The following CHD1 variants were observed in gnomAD, a reference collection of about 807,000 sequenced individuals.
CHD1 encodes chromodomain helicase DNA binding protein 1.
A neutral mutation model predicts 224.2 loss-of-function variants in CHD1; 36 were observed. The ratio of observed to expected loss-of-function variants is 0.16; its 90% CI spans 0.12 to 0.21. The LOEUF (loss-of-function observed/expected upper bound fraction) is 0.21. Among genes scored for constraint, CHD1 ranks in the 10% least tolerant of loss-of-function variants. CHD1 has a pLI of 1.00. For synonymous variants in CHD1, 668 were observed against 658.3 expected (o/e 1.01, Z -0.23); for missense variants, 1,378 against 1,994.8 (o/e 0.69, Z 5.89).
At chr5:98,904,247 G>A (rs1415792850) in intron 3 of CHD1, among the ~76,000 whole-genome samples, 3 of 152,144 alleles carry the variant, frequency 2.0e-5, no homozygotes, top group African/African-American at 7.2e-5. Flanking sequence ...CGTCAACGAT[G>A]TCACTAGGCA....
intron 2 of CHD1, among the ~76,000 whole-genome samples, chr5:98,907,546 C>T (rs918821144): frequency 3.4e-5 from 5 of 145,678 alleles, no homozygotes; most frequent in African/African-American, 1.3e-4. Context: ...CAAGTTCACG[C>T]CATTGCACTC....
intron 12 of CHD1, among the ~76,000 whole-genome samples, chr5:98,895,784 T>C (rs1180183089): frequency 6.7e-6 from 1 of 149,422 alleles, no homozygotes; most frequent in Non-Finnish European, 1.5e-5. Flanking sequence ...GTCAAATATA[T>C]ATACTAAGTA....
At chr5:98,926,956 C>T (rs111967531) in intron 1 of CHD1, among the ~76,000 whole-genome samples, 216 of 150,644 alleles carry the variant, frequency 1.4e-3, no homozygotes, top group African/African-American at 4.8e-3. Context: ...TTAATCAAGC[C>T]CTCACTCCTA....
intron 23 of CHD1, 82 bp from the exon 24 acceptor site, chr5:98,876,640 G>A (rs767518804): frequency 5.8e-5 from 70 of 1,206,250 alleles, no homozygotes; most frequent in Non-Finnish European, 7.3e-5. Flanking sequence ...AAAGATGGTC[G>A]GAATCTTAAA....
chr5:98,918,773 A>C (rs978308303), intron 2 of CHD1, among the ~76,000 whole-genome samples: 1 of 151,698 alleles, frequency 6.6e-6, no homozygotes, highest in Admixed American at 6.6e-5. Flanking sequence ...AAAAAACAAA[A>C]AAAAAAACTT....
rs771436562 is a variant in CHD1 at position 98,926,391 on chromosome 5, AATT to A, written c.-8_-6del. 4.1e-6 allele frequency: 6 copies of A among 1,458,892 alleles called. No homozygotes were observed. The highest frequency in any genetic ancestry group is 4.0e-5 in the South Asian group (3 of 75,602). 90.4% of individuals were successfully genotyped at this position (1,458,892 alleles called of 1,614,324 possible). Reference sequence around the variant, plus strand: ...TTCATCACTGTGTCCATTCATTGTAAATTATTATCAAGAAGTTTTAAAGTAAAA... The same window carrying A: ...TTCATCACTGTGTCCATTCATTGTAAATTATCAAGAAGTTTTAAAGTAAAA... On this transcript the variant is annotated 5_prime_UTR_variant, in exon 2 of 36. Coordinates refer to ENST00000614616, the MANE Select transcript of CHD1 (RefSeq NM_001270.4).
intron 5 of CHD1, 73 bp from the exon 6 acceptor site, chr5:98,901,408 C>G: frequency 8.5e-7 from 1 of 1,177,396 alleles, no homozygotes; most frequent in South Asian, 1.6e-5. Context: ...CAAAGATGAT[C>G]AAATCAACCA....
intron 2 of CHD1, among the ~76,000 whole-genome samples, chr5:98,909,493 C>T (rs1163307937): frequency 6.6e-6 from 1 of 152,042 alleles, no homozygotes; most frequent in African/African-American, 2.4e-5. Context: ...TTATAAAGCT[C>T]CCCATCACTT....
chr5:98,874,537 TAAAAAAA>T (rs70984332), intron 25 of CHD1, among the ~76,000 whole-genome samples: 1 of 88,278 alleles, frequency 1.1e-5, no homozygotes, highest in East Asian at 3.3e-4. Context: ...CCGTCTCTAC[TAAAAAAA>T]AAAAAAAAAA....
chr5:98,879,350 A>C (rs7716215), intron 23 of CHD1, among the ~76,000 whole-genome samples: 80 of 152,326 alleles, frequency 5.3e-4, no homozygotes, highest in African/African-American at 1.9e-3. Flanking sequence ...ACAAAAATCA[A>C]TGAAACCAGG....
At chr5:98,905,553 A>C (rs976651005) in intron 2 of CHD1, among the ~76,000 whole-genome samples, 18 of 152,160 alleles carry the variant, frequency 1.2e-4, no homozygotes, top group Non-Finnish European at 1.0e-4. Flanking sequence ...AACAGGCAGA[A>C]ATTTATTTGT....
At chr5:98,884,721 CTT>C (rs375839054) in intron 18 of CHD1, among the ~76,000 whole-genome samples, 10 of 142,154 alleles carry the variant, frequency 7.0e-5, no homozygotes, top group Admixed American at 2.8e-4. Context: ...TTTTCTTTCC[CTT>C]TTTTTTTTTT....
intron 26 of CHD1, among the ~76,000 whole-genome samples, chr5:98,872,979 A>T (rs1236893647): frequency 1.3e-5 from 2 of 151,670 alleles, no homozygotes; most frequent in African/African-American, 4.8e-5. Flanking sequence ...GCACAATCAC[A>T]CCCTGCTAAT....
chr5:98,906,307 T>C (rs1180143487), intron 2 of CHD1, among the ~76,000 whole-genome samples: 1 of 152,198 alleles, frequency 6.6e-6, no homozygotes, highest in East Asian at 1.9e-4. Context: ...AAGATCATTT[T>C]TGCCATCATG....
chr5:98,920,300 C>T, intron 2 of CHD1, among the ~76,000 whole-genome samples: 1 of 152,062 alleles, frequency 6.6e-6, no homozygotes, highest in Non-Finnish European at 1.5e-5. Flanking sequence ...GACAAAATGA[C>T]TTGCTTCCAA....
intron 27 of CHD1, 105 bp downstream of exon 27, chr5:98,872,312 C>T: frequency 3.1e-6 from 4 of 1,292,598 alleles, no homozygotes; most frequent in African/African-American, 1.5e-5. Context: ...TTATTTCTTC[C>T]TTTTTTTTTT....
Position 98,869,893 on chromosome 5 carries a change from T to A in CHD1, c.3979-11A>T. Reference sequence around the variant, plus strand: ...CCTCTTTGAACTTCCCTAAAAATCATTATTTTAATTTTAACCAATTCTACA... The same window carrying A: ...CCTCTTTGAACTTCCCTAAAAATCAATATTTTAATTTTAACCAATTCTACA... On this transcript the variant is annotated splice_polypyrimidine_tract_variant and intron_variant, in intron 29 of 35. Coordinates refer to ENST00000614616, the MANE Select transcript of CHD1 (RefSeq NM_001270.4). The A allele has an allele frequency of 1.3e-6, 2 of 1,573,870 alleles. No homozygotes were observed. Among genetic ancestry groups the A allele is most frequent in the Non-Finnish European group, 1.7e-6 (2 of 1,152,222 alleles).
At chr5:98,901,428 C>T (rs768747580) in intron 5 of CHD1, 93 bp from the exon 6 acceptor site, 307 of 977,440 alleles carry the variant, frequency 3.1e-4, no homozygotes, top group Non-Finnish European at 4.1e-4. Flanking sequence ...AAACTATATT[C>T]GCTATCAAAA....
chr5:98,916,793 C>G (rs1251859329), intron 2 of CHD1, among the ~76,000 whole-genome samples: 1 of 152,020 alleles, frequency 6.6e-6, no homozygotes, highest in African/African-American at 2.4e-5. Context: ...GTACCAGATG[C>G]TAGGGTGGAC....
Sources: gnomAD v4.1 joint callset for allele counts (sites outside exome capture counted in the v4.1 genomes callset) on GRCh38, gnomAD v4.1.1 for gene constraint, MANE v1.5 for transcripts, NCBI Gene and HGNC (gene_info 2026-07-23, HGNC 2026-07-21) for gene names.